The following TPTE variants were observed in gnomAD, a reference collection of about 807,000 sequenced individuals.
TPTE encodes putative tyrosine-protein phosphatase TPTE.
In TPTE, 59 loss-of-function variants were observed where a neutral mutation model predicts 84.1. The ratio of observed to expected loss-of-function variants is 0.70; its 90% CI spans 0.57 to 0.87. The LOEUF (loss-of-function observed/expected upper bound fraction) is 0.87, where lower values mean the gene tolerates loss of function less well. TPTE is among the 40% of genes least tolerant of loss of function. The pLI is 0.00. For synonymous variants in TPTE, 130 were observed against 223.5 expected, an observed-to-expected ratio of 0.58 and a Z score of 3.73; for missense variants, 382 against 659.6, an observed-to-expected ratio of 0.58 and a Z score of 4.61.
chr21:10,585,005 G>A (rs1431575365), intron 17 of TPTE, among the ~76,000 whole-genome samples: 1 of 152,302 alleles, frequency 6.6e-6, no homozygotes, highest in Non-Finnish European at 1.5e-5. Flanking sequence ...CCCAGTGGGG[G>A]CAGATCACTT....
chr21:10,581,311 G>C (rs368912442), intron 17 of TPTE, among the ~76,000 whole-genome samples: 329 of 151,400 alleles, frequency 2.2e-3, no homozygotes, highest in African/African-American at 7.4e-3. Flanking sequence ...AACCTAAAAT[G>C]TTATTATTAA....
At chr21:10,554,580 A>G (rs1373140057) in intron 8 of TPTE, among the ~76,000 whole-genome samples, 6 of 152,426 alleles carry the variant, frequency 3.9e-5, no homozygotes, top group East Asian at 3.8e-4. Context: ...TCCTTTTTCT[A>G]TTTTATGTAA....
intron 10 of TPTE, among the ~76,000 whole-genome samples, chr21:10,566,536 T>C (rs1311707781): frequency 2.0e-5 from 3 of 152,304 alleles, no homozygotes; most frequent in Non-Finnish European, 4.4e-5. Context: ...AATCACTATA[T>C]AGAAGAGATA....
At chr21:10,589,556 G>T (rs1212270606) in intron 17 of TPTE, among the ~76,000 whole-genome samples, 1 of 152,306 alleles carries the variant, frequency 6.6e-6, no homozygotes, top group African/African-American at 2.4e-5. Flanking sequence ...TCCCAGTCCA[G>T]GTTTGGGAAA....
chr21:10,572,472 AG>A (rs2075065532), intron 14 of TPTE, among the ~76,000 whole-genome samples: 4 of 151,244 alleles, frequency 2.6e-5, no homozygotes, highest in Non-Finnish European at 5.9e-5. Flanking sequence ...AAAAAAAAAA[AG>A]GAAATGTTAA....
intron 2 of TPTE, among the ~76,000 whole-genome samples, chr21:10,525,702 C>T (rs866665775): frequency 5.9e-5 from 9 of 152,416 alleles, no homozygotes; most frequent in East Asian, 5.8e-4. Flanking sequence ...CAGTTTAGGA[C>T]GGTTTGCAAT....
chr21:10,593,378 T>C (rs2075522272), intron 19 of TPTE, among the ~76,000 whole-genome samples: 1 of 152,308 alleles, frequency 6.6e-6, no homozygotes, highest in South Asian at 2.1e-4. Flanking sequence ...CTTAAAATCT[T>C]TGAAAATTTA....
At chr21:10,587,796 C>T (rs2075393574) in intron 17 of TPTE, among the ~76,000 whole-genome samples, 1 of 152,298 alleles carries the variant, frequency 6.6e-6, no homozygotes, top group African/African-American at 2.4e-5. Flanking sequence ...GTGATCCACC[C>T]ACCTCAGCCT....
intron 8 of TPTE, among the ~76,000 whole-genome samples, chr21:10,553,490 C>G (rs924159231): frequency 1.3e-5 from 2 of 152,286 alleles, no homozygotes; most frequent in Non-Finnish European, 2.9e-5. Context: ...AACTGTGTGT[C>G]TGCAGATTAG....
In TPTE at chr21:10,541,087, G is replaced by A. The variant is rs1442652962; in HGVS notation, c.12-25G>A. ...AACATTAGAATTACGCATTGGGTCT[G>A]ACTCTGACCATATTTGTCCTTTAGT... On this transcript the variant is annotated intron_variant, in intron 4 of 23. Transcript: ENST00000618007. The A allele has an allele frequency of 4.3e-6, 7 of 1,612,452 alleles. No homozygotes were observed. The East Asian group carries it at 6.7e-5, about 15-fold the overall frequency.
intron 3 of TPTE, among the ~76,000 whole-genome samples, chr21:10,537,748 G>GAAACGATT: frequency 6.6e-6 from 1 of 152,286 alleles, no homozygotes; most frequent in Non-Finnish European, 1.5e-5. Flanking sequence ...AACAAGGGAG[G>GAAACGATT]AAACGATTAT....
chr21:10,551,877 A>C (rs1367139129), intron 7 of TPTE, among the ~76,000 whole-genome samples: 7 of 152,308 alleles, frequency 4.6e-5, no homozygotes, highest in African/African-American at 1.2e-4. Flanking sequence ...AGAAAACCTG[A>C]ACAGACCAAA....
At chr21:10,527,223 G>A (rs1213005408) in intron 2 of TPTE, 132 bp from the exon 3 acceptor site, 11 of 152,634 alleles carry the variant, frequency 7.2e-5, no homozygotes, top group African/African-American at 2.7e-4. Flanking sequence ...TCCTGAAATT[G>A]TTTCTTTAGT....
At chr21:10,573,757 G>A (rs2075092906) in intron 14 of TPTE, among the ~76,000 whole-genome samples, 1 of 152,280 alleles carries the variant, frequency 6.6e-6, no homozygotes, top group Non-Finnish European at 1.5e-5. Flanking sequence ...TTAAATGAAA[G>A]GAAAGAAAAT....
intron 21 of TPTE, among the ~76,000 whole-genome samples, chr21:10,601,845 T>C (rs1460759352): frequency 6.6e-6 from 1 of 152,306 alleles, no homozygotes; most frequent in Non-Finnish European, 1.5e-5. Context: ...AGTGAGACTC[T>C]GTCTCAGAAA....
rs779199857 is a variant in TPTE at position 10,605,463 on chromosome 21, G to C, written c.1567G>C (p.Ala523Pro). 6.2e-7 allele frequency: 1 copy of C among 1,614,196 alleles called. No homozygotes were observed. Among genetic ancestry groups the C allele is most frequent in the Non-Finnish European group, 8.5e-7 (1 of 1,180,002 alleles). ...ATTGGATAATCTACATAAACAAAAA[G>C]CACGGAGAATTTATCCATCAGATTT... ...NELDNLHKQKARRIYPSDFAV... is the reference protein window; with the variant it reads ...NELDNLHKQKPRRIYPSDFAV... The change falls in exon 24 of 24, where the codon GCA becomes CCA. Residue 523 changes from alanine to proline, a missense_variant. By Grantham distance (27) the Ala-to-Pro change is conservative. Around this residue, in one of 10 missense-constraint regions of TPTE, gnomAD observed 120 missense variants for 79.1 expected, o/e 1.52. Transcript: ENST00000618007.
intron 17 of TPTE, among the ~76,000 whole-genome samples, chr21:10,587,206 T>C (rs1475613697): frequency 6.6e-6 from 1 of 152,306 alleles, no homozygotes; most frequent in African/African-American, 2.4e-5. Context: ...CTTTTTCTTT[T>C]TGAGCTTAGA....
At chr21:10,523,740 T>G (rs1307328267) in intron 1 of TPTE, among the ~76,000 whole-genome samples, 1 of 152,310 alleles carries the variant, frequency 6.6e-6, no homozygotes, top group Non-Finnish European at 1.5e-5. Flanking sequence ...CTATTGTGAA[T>G]AGTGCTGCAG....
In TPTE at chr21:10,589,219, A is replaced by T. The variant is rs1271146253; in HGVS notation, c.1028-1243A>T. Reference sequence around the variant, plus strand: ...TCTTCTTTCCCTTTCCCTTCTCCCTAGAGGGTGTGACTGTAGAGCATGCTG... The same window carrying T: ...TCTTCTTTCCCTTTCCCTTCTCCCTTGAGGGTGTGACTGTAGAGCATGCTG... On this transcript the variant is annotated intron_variant, in intron 17 of 23. Coordinates refer to ENST00000618007, the MANE Select transcript of TPTE (RefSeq NM_199261.4). Among the ~76,000 whole-genome samples, 4 of 152,060 alleles carry T rather than the reference A, an allele frequency of 2.6e-5. No homozygotes were observed. The East Asian group carries it at 7.7e-4, about 29-fold the overall frequency.
Sources: gnomAD v4.1 joint callset for allele counts (sites outside exome capture counted in the v4.1 genomes callset) on GRCh38, gnomAD v4.1.1 for gene constraint, gnomAD v4.1.1 regional missense constraint, MANE v1.5 for transcripts, NCBI Gene and HGNC (gene_info 2026-07-23, HGNC 2026-07-21) for gene names.